RTKN2: variants seen among roughly 807,000 people sequenced by gnomAD.
RTKN2 encodes rhotekin-2.
A neutral mutation model predicts 71.5 loss-of-function variants in RTKN2; 69 were observed. The ratio of observed to expected loss-of-function variants is 0.96; its 90% CI spans 0.79 to 1.18. The LOEUF (loss-of-function observed/expected upper bound fraction) is 1.18, where lower values mean the gene tolerates loss of function less well. RTKN2 is among the 50% of genes most tolerant of loss of function. The pLI is 0.00. For missense variants in RTKN2, 724 were observed against 719.7 expected, an observed-to-expected ratio of 1.01 and a Z score of -0.07; for synonymous variants, 236 against 236.5, an observed-to-expected ratio of 1.00 and a Z score of 0.02.
At chr10:62,268,465 T>C in intron 1 of RTKN2, 86 bp downstream of exon 1, 2 of 1,283,710 alleles carry the variant, frequency 1.6e-6, no homozygotes, top group Non-Finnish European at 2.2e-6. Flanking sequence ...GGGAGAGGCT[T>C]TCCCGACTCC....
intron 6 of RTKN2, among the ~76,000 whole-genome samples, chr10:62,229,353 G>C (rs979813750): frequency 2.0e-5 from 3 of 152,274 alleles, no homozygotes; most frequent in Non-Finnish European, 2.9e-5. Flanking sequence ...CAATCACGGG[G>C]TAGATGGTTG....
chr10:62,199,915 A>G (rs539062584), intron 10 of RTKN2, 54 bp from the exon 11 acceptor site: 1 of 1,162,616 alleles, frequency 8.6e-7, no homozygotes, highest in East Asian at 2.4e-5. Context: ...GTGAAGATAT[A>G]TATTTCATTT....
At chr10:62,206,142 C>T (rs1487527673) in intron 9 of RTKN2, among the ~76,000 whole-genome samples, 1 of 152,072 alleles carries the variant, frequency 6.6e-6, no homozygotes, top group Non-Finnish European at 1.5e-5. Context: ...CAGCACATCT[C>T]GATCTGGACC....
At position 62,262,640 on chromosome 10, in the gene RTKN2, T is replaced by C. The variant is rs767076096; in HGVS notation, c.242A>G (p.Asn81Ser). 100 of 1,605,452 alleles carry C rather than the reference T, an allele frequency of 6.2e-5. No homozygotes were observed. Among genetic ancestry groups the C allele is most frequent in the Non-Finnish European group, 7.7e-5 (91 of 1,175,004 alleles). ...ELQKLEEQIANQTGRCDVKFE... is the reference protein window; with the variant it reads ...ELQKLEEQIASQTGRCDVKFE... ...TGTTACTAACCATCTTCCAGTCTGA[T>C]TTGCAATCTGTTCTTCTAATTTCTG... The change falls in exon 2 of 12, where the codon AAT becomes AGT. Residue 81 changes from asparagine to serine, a missense_variant. Physicochemically the swap from Asn to Ser is conservative, Grantham distance 46. Coordinates refer to ENST00000373789, the MANE Select transcript of RTKN2 (RefSeq NM_145307.4).
chr10:62,204,129 AG>A (rs1203879755), intron 10 of RTKN2, among the ~76,000 whole-genome samples: 4 of 152,220 alleles, frequency 2.6e-5, no homozygotes, highest in African/African-American at 9.6e-5. Flanking sequence ...AGTATCTATC[AG>A]TAGGCTTTGT....
rs1841815726 is a variant in RTKN2, at chr10:62,218,078, G to A, written c.888+117C>T. The A allele has an allele frequency of 1.4e-5, 9 of 653,532 alleles. No homozygotes were observed. In the South Asian group the frequency reaches 1.7e-4, roughly 12 times the overall value. 40.5% of individuals were successfully genotyped at this position (653,532 alleles called of 1,614,324 possible). On this transcript the variant is annotated intron_variant, in intron 8 of 11. Coordinates refer to ENST00000373789, the MANE Select transcript of RTKN2 (RefSeq NM_145307.4). ...TATATCTGATAACATTTAGAAAACT[G>A]ACATTTAAAAAAAGACTTAAAAAAT...
rs1841520784 is a variant in RTKN2, at chr10:62,205,019, T to G, written c.1024A>C (p.Thr342Pro). Residue 342 changes from threonine (T) to proline (P), a missense_variant, in exon 10 of 12, where the codon ACC becomes CCC. Physicochemically the swap from Thr to Pro is conservative, Grantham distance 38 (BLOSUM62 -1). Coordinates refer to ENST00000373789, the MANE Select transcript of RTKN2 (RefSeq NM_145307.4). Reference sequence around the variant, plus strand: ...TCCTTATCCATTGCCCGGATTCTGGTTTCCTAAAAATTAAGAAAAAAATTG... The same window carrying G: ...TCCTTATCCATTGCCCGGATTCTGGGTTCCTAAAAATTAAGAAAAAAATTG... Reference protein sequence around the residue: ...PALVVPINKETRIRAMDKDAK... With the variant: ...PALVVPINKEPRIRAMDKDAK... 1 of 1,577,000 alleles carries G rather than the reference T, an allele frequency of 6.3e-7. No individual in the cohort carries two copies. Among genetic ancestry groups the G allele is most frequent in the East Asian group, 2.3e-5 (1 of 43,572 alleles).
intron 6 of RTKN2, among the ~76,000 whole-genome samples, chr10:62,232,670 A>G (rs1842174374): frequency 6.6e-6 from 1 of 152,058 alleles, no homozygotes; most frequent in Non-Finnish European, 1.5e-5. Flanking sequence ...AAATGAAAAA[A>G]TGTGGCTACA....
intron 1 of RTKN2, among the ~76,000 whole-genome samples, chr10:62,264,201 T>C (rs1842828757): frequency 1.3e-5 from 2 of 152,212 alleles, no homozygotes; most frequent in Non-Finnish European, 2.9e-5. Context: ...GGAGAGCTAA[T>C]AGTTTTTGAA....
In RTKN2 at chr10:62,236,091, A is replaced by T. The variant is rs138271250; in HGVS notation, c.661T>A (p.Cys221Ser). 14 of 1,612,558 alleles carry T rather than the reference A, an allele frequency of 8.7e-6. No homozygotes were observed. The highest frequency in any genetic ancestry group is 1.0e-5 in the Non-Finnish European group (12 of 1,179,008). The change falls in exon 6 of 12, where the codon TGC becomes AGC. Residue 221 changes from cysteine to serine, a missense_variant. Coordinates refer to ENST00000373789, the MANE Select transcript of RTKN2 (RefSeq NM_145307.4). ...SVLQEEDDEM[C>S]LLLSSAVFGV... is the part of the protein sequence containing the mutation. ...AAAACAGCAGAGCTGAGGAGCAAGC[A>T]CATTTCATCATCCTCTTCTTGAAGC...
intron 3 of RTKN2, among the ~76,000 whole-genome samples, chr10:62,245,298 A>G (rs1179994290): frequency 6.6e-6 from 1 of 152,152 alleles, no homozygotes; most frequent in Non-Finnish European, 1.5e-5. Context: ...TTATATATAG[A>G]TAAACAAACA....
At chr10:62,187,815 T>C (rs547675281) in intron 8 of RTKN2, among the ~76,000 whole-genome samples, 2 of 152,148 alleles carry the variant, frequency 1.3e-5, no homozygotes, top group Non-Finnish European at 2.9e-5. Context: ...CCCAATACTA[T>C]CTGTAGCTAT....
intron 8 of RTKN2, among the ~76,000 whole-genome samples, chr10:62,187,220 C>T (rs1229621289): frequency 1.3e-5 from 2 of 150,856 alleles, no homozygotes; most frequent in Non-Finnish European, 2.9e-5. Context: ...TCAGAGATGA[C>T]GGCAGCTTTG....
In RTKN2 at chr10:62,197,249, A is replaced by G; in HGVS notation, c.*659T>C. 8.1e-6 allele frequency: 8 copies of G among 985,634 alleles called. No individual in the cohort carries two copies. Among genetic ancestry groups the G allele is most frequent in the Non-Finnish European group, 9.6e-6 (8 of 829,710 alleles). The allele number at this position is 985,634 out of a possible 1,614,324, so 61.1% of individuals were successfully genotyped here. ...AACTAGTAAGTGTTATGCTTCATTTATGAAAGTTAATGTCAACAGTATTTC... is the reference window on the plus strand; with the variant it reads ...AACTAGTAAGTGTTATGCTTCATTTGTGAAAGTTAATGTCAACAGTATTTC... On this transcript the variant is annotated 3_prime_UTR_variant, in exon 12 of 12. Coordinates refer to ENST00000373789, the MANE Select transcript of RTKN2 (RefSeq NM_145307.4).
At chr10:62,198,851 A>G (rs1841384227) in intron 11 of RTKN2, among the ~76,000 whole-genome samples, 2 of 152,162 alleles carry the variant, frequency 1.3e-5, no homozygotes, top group South Asian at 4.1e-4. Context: ...TCTGACTGCT[A>G]GGTAAGAGAT....
chr10:62,252,256 G>C (rs1299044102), intron 2 of RTKN2, among the ~76,000 whole-genome samples: 1 of 152,022 alleles, frequency 6.6e-6, no homozygotes, highest in Non-Finnish European at 1.5e-5. Flanking sequence ...GAAAGAAAAT[G>C]AAAGATTAGA....
At chr10:62,255,799 G>A (rs978848651) in intron 2 of RTKN2, among the ~76,000 whole-genome samples, 16 of 152,152 alleles carry the variant, frequency 1.1e-4, no homozygotes, top group Admixed American at 9.8e-4. Context: ...ATTACCTGGT[G>A]GTAAGACCAG....
chr10:62,265,346 C>T (rs138845791), intron 1 of RTKN2, among the ~76,000 whole-genome samples: 200 of 152,286 alleles, frequency 1.3e-3, no homozygotes, highest in African/African-American at 4.6e-3. Context: ...GCAACTTCAA[C>T]AGAGACTGAG....
Position 62,201,346 on chromosome 10 carries a change from A to G in RTKN2, c.1187-1485T>C, listed in dbSNP as rs548615066. 6.6e-5 allele frequency among the ~76,000 whole-genome samples: 10 copies of G among 152,310 alleles called. No homozygotes were observed. In the East Asian group the frequency reaches 1.9e-3, roughly 29 times the overall value. On this transcript the variant is annotated intron_variant, in intron 10 of 11. Coordinates refer to ENST00000373789, the MANE Select transcript of RTKN2 (RefSeq NM_145307.4). ...CACCATTAGTTAAGAAACATAAAAA[A>G]AGCCTTTCAGTATGTTTTATTATGA...
Sources: allele counts gnomAD v4.1 joint callset (sites outside exome capture counted in the v4.1 genomes callset), GRCh38; gene constraint gnomAD v4.1.1; transcripts MANE v1.5; gene names NCBI Gene and HGNC (gene_info 2026-07-23, HGNC 2026-07-21).